The following DMTF1 variants were observed in gnomAD, a reference collection of about 807,000 sequenced individuals.
DMTF1 encodes the protein cyclin D binding myb like transcription factor 1.
DMTF1 carries 39 observed loss-of-function variants against 91.1 expected under a neutral mutation model. The observed-to-expected ratio is 0.43, with a 90% CI of 0.33 to 0.56. DMTF1 has a LOEUF of 0.56. DMTF1 is among the 20% of genes least tolerant of loss of function. The pLI, the probability that DMTF1 is intolerant of heterozygous loss-of-function variation, is 0.05. For missense variants in DMTF1, 750 were observed against 914.5 expected (o/e 0.82, Z 2.32); for synonymous variants, 338 against 309.5 (o/e 1.09, Z -0.97).
intron 1 of DMTF1, among the ~76,000 whole-genome samples, chr7:87,153,410 A>G (rs1789825084): frequency 1.3e-5 from 2 of 152,218 alleles, no homozygotes; most frequent in East Asian, 1.9e-4. Flanking sequence ...TCAGGGAGGT[A>G]TGTAGAATGT....
In DMTF1 at chr7:87,194,812, T is replaced by C. The variant is rs929291749; in HGVS notation, c.2157T>C (p.Pro719=). The C allele has an allele frequency of 3.1e-6, 5 of 1,611,314 alleles. No individual in the cohort carries two copies. In the African/African-American group the frequency reaches 6.7e-5, roughly 22 times the overall value. The change falls in exon 17 of 18, where the codon CCT becomes CCC. Residue 719 remains proline (P), a synonymous_variant. Transcript: ENST00000331242. ...SDVIDTESVL[P]LTTLTDPILQ... is the part of the protein sequence containing the mutation. The stretch of plus-strand genomic sequence containing the variant: ...TTATAGATACTGAATCTGTCTTGCC[T>C]TTGACAACACTAACAGGTACTGTAA...
intron 2 of DMTF1, among the ~76,000 whole-genome samples, chr7:87,163,834 AATAC>A (rs1464080191): frequency 2.6e-5 from 4 of 152,192 alleles, no homozygotes; most frequent in Non-Finnish European, 5.9e-5. Context: ...GCCAAAGGAA[AATAC>A]ATTCACTTCA....
At chr7:87,153,741 A>G (rs528399189) in intron 1 of DMTF1, among the ~76,000 whole-genome samples, 5 of 152,352 alleles carry the variant, frequency 3.3e-5, no homozygotes, top group African/African-American at 9.6e-5. Flanking sequence ...TTAATATGAC[A>G]TGTCTTAAGC....
intron 14 of DMTF1, among the ~76,000 whole-genome samples, chr7:87,192,154 T>TG (rs1799978621): frequency 6.6e-6 from 1 of 152,096 alleles, no homozygotes; most frequent in Non-Finnish European, 1.5e-5. Context: ...TTTTTACTTA[T>TG]GGGGTCACAA....
Position 87,164,089 on chromosome 7 carries a change from CAT to C in DMTF1, c.-9+473_-9+474del, listed in dbSNP as rs1793208048. Among the ~76,000 whole-genome samples the C allele has an allele frequency of 2.2e-5, 3 of 136,376 alleles. No homozygotes were observed. The South Asian group carries it at 7.1e-4, about 32-fold the overall frequency. 89.5% of individuals were successfully genotyped at this position (136,376 alleles called of 152,430 possible). Reference sequence around the variant, plus strand: ...AAAAAAAAAAAAAAAGCTTAATAAACATTGAGTAATTATATCAGGGTTTGTGT... The same window carrying C: ...AAAAAAAAAAAAAAAGCTTAATAAACTGAGTAATTATATCAGGGTTTGTGT... On this transcript the variant is annotated intron_variant, in intron 2 of 17. Coordinates refer to ENST00000331242, the MANE Select transcript of DMTF1 (RefSeq NM_001142327.2).
Position 87,186,248 on chromosome 7 carries a change from T to C in DMTF1, c.1201+268T>C, listed in dbSNP as rs1798400928. ...CAGGAGGAAATAAAATCATGCCACA[T>C]AACGATTTAATTTTTATGTTTTTAG... On this transcript the variant is annotated intron_variant, in intron 12 of 17. Coordinates refer to ENST00000331242, the MANE Select transcript of DMTF1 (RefSeq NM_001142327.2). 1.3e-5 allele frequency: 5 copies of C among 392,414 alleles called. No homozygotes were observed. In the South Asian group the frequency reaches 1.8e-4, roughly 14 times the overall value. 24.3% of individuals were successfully genotyped at this position (392,414 alleles called of 1,614,324 possible).
chr7:87,172,087 T>G (rs1795191671), intron 5 of DMTF1, among the ~76,000 whole-genome samples: 1 of 152,220 alleles, frequency 6.6e-6, no homozygotes, highest in African/African-American at 2.4e-5. Context: ...TAAGAGTATT[T>G]TCTACATTAT....
intron 6 of DMTF1, among the ~76,000 whole-genome samples, chr7:87,174,226 CT>C (rs1328171600): frequency 6.6e-6 from 1 of 152,116 alleles, no homozygotes; most frequent in South Asian, 2.1e-4. Flanking sequence ...TGTATGTGTT[CT>C]TTTTGCCCAT....
At chr7:87,180,228 T>C (rs1443739081) in intron 8 of DMTF1, among the ~76,000 whole-genome samples, 2 of 152,218 alleles carry the variant, frequency 1.3e-5, no homozygotes, top group African/African-American at 4.8e-5. Flanking sequence ...TCTTTGGAAA[T>C]TTTAGGTGGC....
Position 87,190,950 on chromosome 7 carries a change from G to A in DMTF1, c.1417G>A (p.Ala473Thr). 4 of 1,608,064 alleles carry A rather than the reference G, an allele frequency of 2.5e-6. No homozygotes were observed. The highest frequency in any genetic ancestry group is 3.4e-6 in the Non-Finnish European group (4 of 1,176,900). Reference protein sequence around the residue: ...IPVQITHVSSADSPATVDSET... With the variant: ...IPVQITHVSSTDSPATVDSET... The stretch of plus-strand genomic sequence containing the variant: ...TTACCTTATTCTTACCACAGCTTCA[G>A]CAGACTCTCCTGCTACCGTTGACTC... Residue 473 changes from alanine to threonine, a missense_variant, in exon 14 of 18, where the codon GCA becomes ACA. Physicochemically the swap from Ala to Thr is moderately conservative, Grantham distance 58 (BLOSUM62 0). Coordinates refer to ENST00000331242, the MANE Select transcript of DMTF1 (RefSeq NM_001142327.2).
At chr7:87,161,829 G>A (rs1792504348) in intron 1 of DMTF1, among the ~76,000 whole-genome samples, 1 of 152,080 alleles carries the variant, frequency 6.6e-6, no homozygotes, top group Non-Finnish European at 1.5e-5. Flanking sequence ...AATAACTATT[G>A]GCAAGATTAC....
At chr7:87,181,930 T>A in intron 9 of DMTF1, 2 of 1,075,106 alleles carry the variant, frequency 1.9e-6, no homozygotes, top group South Asian at 3.2e-5. Flanking sequence ...AGTCTGGGGC[T>A]TGCCTGGGAG....
chr7:87,188,117 A>G lies in DMTF1; in HGVS notation c.1227A>G (p.Leu409=). The change falls in exon 13 of 18, where the codon TTA becomes TTG. Residue 409 remains leucine, a synonymous_variant. Transcript: ENST00000331242. The part of the protein sequence containing the change: ...FPVLIKGLKQ[L]HENQKNNPTL... ...TCTTAATAAAAGGTCTTAAACAGTT[A>G]CATGAGAACCAAAAAAACAACCCAA... is the stretch of plus-strand genomic sequence containing the variant. 2 of 1,613,834 alleles carry G rather than the reference A, an allele frequency of 1.2e-6. No homozygotes were observed. Among genetic ancestry groups the G allele is most frequent in the East Asian group, 4.5e-5 (2 of 44,866 alleles).
rs971527614 is a variant in DMTF1 at position 87,158,965 on chromosome 7, CTAT to C, written c.-131-4525_-131-4523del. On this transcript the variant is annotated intron_variant, in intron 1 of 17. Transcript: ENST00000331242. ...CTGTAAACTGCCTAACTTTAAAAAA[CTAT>C]TATTTGTTAAACAGCAGATTACAAG... 7.8e-4 allele frequency among the ~76,000 whole-genome samples: 119 copies of C among 152,090 alleles called. 1 individual carries two copies. Among genetic ancestry groups the C allele is most frequent in the African/African-American group, 2.8e-3 (116 of 41,532 alleles).
chr7:87,166,507 A>G lies in DMTF1; in HGVS notation c.134A>G (p.Asp45Gly). Residue 45 changes from aspartate to glycine, a missense_variant, in exon 4 of 18, where the codon GAT becomes GGT. Physicochemically the swap from Asp to Gly is moderately conservative, Grantham distance 94. Coordinates refer to ENST00000331242, the MANE Select transcript of DMTF1 (RefSeq NM_001142327.2). ...GAAGCGGATGAAATAGACTCAGAAG[A>G]TAGTATTGAACCTCCACATAAAAGG... Reference protein sequence around the residue: ...QNEADEIDSEDSIEPPHKRLC... With the variant: ...QNEADEIDSEGSIEPPHKRLC... 6.2e-7 allele frequency: 1 copy of G among 1,613,126 alleles called. No homozygotes were observed. Among genetic ancestry groups the G allele is most frequent in the Non-Finnish European group, 8.5e-7 (1 of 1,179,450 alleles).
At chr7:87,174,568 T>C (rs1584332806) in intron 6 of DMTF1, 25 bp from the exon 7 acceptor site, 1 of 1,483,392 alleles carries the variant, frequency 6.7e-7, no homozygotes, top group Non-Finnish European at 9.3e-7. Flanking sequence ...ACATTTTTTA[T>C]AACATTACTT....
At chr7:87,181,396 A>T in intron 9 of DMTF1, 55 bp downstream of exon 9, 1 of 877,060 alleles carries the variant, frequency 1.1e-6, no homozygotes, top group South Asian at 1.5e-5. Flanking sequence ...TACGTCCTTA[A>T]AAGTTTTACT....
At chr7:87,153,699 C>T (rs548557180) in intron 1 of DMTF1, among the ~76,000 whole-genome samples, 1 of 152,198 alleles carries the variant, frequency 6.6e-6, no homozygotes, top group South Asian at 2.1e-4. Context: ...GTTGGGACGT[C>T]CTACAAAATG....
At chr7:87,173,458 TC>T in intron 5 of DMTF1, 76 bp from the exon 6 acceptor site, 1 of 809,316 alleles carries the variant, frequency 1.2e-6, no homozygotes, top group East Asian at 2.8e-5. Flanking sequence ...CAAAGATGAA[TC>T]CGGTTGAGCA....
Sources: allele counts gnomAD v4.1 joint callset (sites outside exome capture counted in the v4.1 genomes callset), GRCh38; gene constraint gnomAD v4.1.1; transcripts MANE v1.5; gene names NCBI Gene and HGNC (gene_info 2026-07-23, HGNC 2026-07-21).